Variants in DPP10 observed in about 807,000 individuals in gnomAD.
DPP10 encodes the protein inactive dipeptidyl peptidase 10.
DPP10 carries 33 observed loss-of-function variants against 120.9 expected under a neutral mutation model. The observed-to-expected ratio is 0.27, with a 90% CI of 0.21 to 0.37. The LOEUF (loss-of-function observed/expected upper bound fraction) is 0.37, where lower values mean the gene tolerates loss of function less well. DPP10 is among the 10% of genes least tolerant of loss of function. DPP10 has a pLI of 1.00. For synonymous variants in DPP10, 337 were observed against 326.1 expected (o/e 1.03, Z -0.36); for missense variants, 816 against 942.8 (o/e 0.87, Z 1.76).
intron 1 of DPP10, among the ~76,000 whole-genome samples, chr2:114,590,166 A>G (rs527863498): frequency 4.3e-4 from 66 of 152,194 alleles, no homozygotes; most frequent in African/African-American, 1.4e-3. Flanking sequence ...TAAAAATAGA[A>G]TCCTCCTTAT....
chr2:115,225,975 T>C (rs2057415789), intron 1 of DPP10, among the ~76,000 whole-genome samples: 1 of 152,162 alleles, frequency 6.6e-6, no homozygotes, highest in South Asian at 2.1e-4. Flanking sequence ...TCACTAGCAG[T>C]ATCATTTCCA....
intron 1 of DPP10, among the ~76,000 whole-genome samples, chr2:115,092,490 ATCACCTTTC>A (rs1277893828): frequency 9.2e-5 from 14 of 152,186 alleles, no homozygotes; most frequent in Admixed American, 1.3e-4. Context: ...TTAGACATCT[ATCACCTTTC>A]GGTCTCAGAG....
rs2091527873 is a variant in DPP10 at position 115,695,379 on chromosome 2, A to G, written c.576+5458A>G. Among the ~76,000 whole-genome samples, 2 of 152,178 alleles carry G rather than the reference A, an allele frequency of 1.3e-5. 1 individual carries two copies. Among genetic ancestry groups the G allele is most frequent in the Middle Eastern group, 6.3e-3 (2 of 316 alleles). On this transcript the variant is annotated intron_variant, in intron 7 of 25. Transcript: ENST00000410059. ...TGCAGCTAATAAAGACATGCCTGAG[A>G]CTGGGTAATTTATAAAGGAAATAGG...
chr2:115,314,364 CG>C (rs780889490), intron 2 of DPP10, among the ~76,000 whole-genome samples: 53 of 152,252 alleles, frequency 3.5e-4, no homozygotes, highest in Admixed American at 5.9e-4. Context: ...AAGGGTAAAA[CG>C]GGAAAGCACC....
chr2:114,641,815 A>G (rs903203649), intron 1 of DPP10, among the ~76,000 whole-genome samples: 3 of 151,936 alleles, frequency 2.0e-5, no homozygotes, highest in Non-Finnish European at 2.9e-5. Context: ...GTCTTTTTTT[A>G]TACTGCTTAT....
intron 1 of DPP10, among the ~76,000 whole-genome samples, chr2:115,105,186 A>G (rs2048887115): frequency 6.6e-6 from 1 of 152,096 alleles, no homozygotes; most frequent in African/African-American, 2.4e-5. Flanking sequence ...CTTCCTTAAA[A>G]TCTTTTTCTC....
At chr2:115,385,679 G>A (rs2066882154) in intron 3 of DPP10, among the ~76,000 whole-genome samples, 1 of 152,136 alleles carries the variant, frequency 6.6e-6, no homozygotes, top group Non-Finnish European at 1.5e-5. Context: ...TTTCTATAGA[G>A]CTGTCCATTC....
chr2:114,947,545 A>G (rs1427275285), intron 1 of DPP10, among the ~76,000 whole-genome samples: 1 of 151,912 alleles, frequency 6.6e-6, no homozygotes, highest in Non-Finnish European at 1.5e-5. Context: ...CCTATTCTCC[A>G]TCCTCATTCC....
At chr2:115,017,796 T>C (rs764639847) in intron 1 of DPP10, among the ~76,000 whole-genome samples, 1 of 150,912 alleles carries the variant, frequency 6.6e-6, no homozygotes, top group African/African-American at 2.4e-5. Context: ...TAGCTGGAAA[T>C]TGAACAATGA....
intron 1 of DPP10, among the ~76,000 whole-genome samples, chr2:115,220,436 G>T (rs571564013): frequency 2.0e-5 from 3 of 152,208 alleles, no homozygotes; most frequent in African/African-American, 7.2e-5. Context: ...TTCAGGGTCA[G>T]CATGGTGTCT....
At chr2:114,781,431 TTA>T in intron 1 of DPP10, among the ~76,000 whole-genome samples, 1 of 151,928 alleles carries the variant, frequency 6.6e-6, no homozygotes, top group East Asian at 1.9e-4. Flanking sequence ...TAATGTTTGT[TTA>T]TGTTTTCATT....
chr2:115,667,605 T>C (rs2149431078), intron 5 of DPP10, among the ~76,000 whole-genome samples: 1 of 152,260 alleles, frequency 6.6e-6, no homozygotes, highest in Middle Eastern at 3.4e-3. Context: ...GGGAGTCCTT[T>C]CCCCATTGCT....
intron 1 of DPP10, chr2:115,161,999 A>C (rs376052525): frequency 0.013 from 18,170 of 1,383,620 alleles, 157 homozygotes; most frequent in African/African-American, 0.039. Flanking sequence ...CCCGGGGGCC[A>C]GGGCGAGCCA....
At chr2:115,334,230 G>GTTTTTTTTTTTTTTTTTGTTTTTGT in intron 2 of DPP10, among the ~76,000 whole-genome samples, 1 of 56,412 alleles carries the variant, frequency 1.8e-5, no homozygotes, top group Non-Finnish European at 4.0e-5. Flanking sequence ...AGCAGACTCT[G>GTTTTTTTTTTTTTTTTTGTTTTTGT]TTTTTTTTTT....
chr2:115,056,414 TG>T (rs1260547586), intron 1 of DPP10, among the ~76,000 whole-genome samples: 1 of 152,216 alleles, frequency 6.6e-6, no homozygotes, highest in African/African-American at 2.4e-5. Context: ...GGTCTTGCTC[TG>T]TCACTCAGGC....
At chr2:114,745,290 C>A (rs116182791) in intron 1 of DPP10, among the ~76,000 whole-genome samples, 1 of 152,236 alleles carries the variant, frequency 6.6e-6, no homozygotes, top group South Asian at 2.1e-4. Flanking sequence ...GAGGTACCTG[C>A]CTCATGCCAG....
At chr2:114,680,095 A>G (rs890969427) in intron 1 of DPP10, among the ~76,000 whole-genome samples, 3 of 151,992 alleles carry the variant, frequency 2.0e-5, no homozygotes, top group Non-Finnish European at 4.4e-5. Context: ...TCGTCTCTTG[A>G]GGCTTATCTA....
intron 3 of DPP10, among the ~76,000 whole-genome samples, chr2:115,487,238 C>G (rs1427642990): frequency 7.3e-6 from 1 of 136,818 alleles, no homozygotes; most frequent in Non-Finnish European, 1.6e-5. Flanking sequence ...AGGACACAAA[C>G]AAATGGAAGA....
chr2:115,464,774 C>T (rs926827723), intron 3 of DPP10, among the ~76,000 whole-genome samples: 3 of 152,060 alleles, frequency 2.0e-5, no homozygotes, highest in African/African-American at 7.2e-5. Context: ...TCCCCTTGGC[C>T]TTATGGAATC....
Sources: gnomAD v4.1 joint callset for allele counts (sites outside exome capture counted in the v4.1 genomes callset) on GRCh38, gnomAD v4.1.1 for gene constraint, MANE v1.5 for transcripts, NCBI Gene and HGNC (gene_info 2026-07-23, HGNC 2026-07-21) for gene names.